Variants in LRRTM4 observed in about 807,000 individuals in gnomAD.
LRRTM4 encodes leucine-rich repeat transmembrane neuronal protein 4.
A neutral mutation model predicts 47.6 loss-of-function variants in LRRTM4; 25 were observed. The ratio of observed to expected loss-of-function variants is 0.53; its 90% CI spans 0.38 to 0.73. The LOEUF (loss-of-function observed/expected upper bound fraction) is 0.73. Among genes scored for constraint, LRRTM4 ranks in the 30% least tolerant of loss-of-function variants. LRRTM4 has a pLI of 0.00. For missense variants in LRRTM4, 638 were observed against 713.4 expected, an observed-to-expected ratio of 0.89 and a Z score of 1.20; for synonymous variants, 311 against 269.5, an observed-to-expected ratio of 1.15 and a Z score of -1.51.
chr2:76,796,865 AG>A (rs1341298178), intron 3 of LRRTM4, among the ~76,000 whole-genome samples: 2 of 152,098 alleles, frequency 1.3e-5, no homozygotes, highest in African/African-American at 2.4e-5. Context: ...ACTGGAAGAA[AG>A]GGTATCAGCA....
chr2:76,860,238 T>A (rs994793098), intron 3 of LRRTM4, among the ~76,000 whole-genome samples: 1 of 152,174 alleles, frequency 6.6e-6, no homozygotes, highest in Non-Finnish European at 1.5e-5. Context: ...TTGGAGAAGA[T>A]TGCAAAGACA....
chr2:77,061,417 C>A (rs1194233491), intron 3 of LRRTM4, among the ~76,000 whole-genome samples: 2 of 152,032 alleles, frequency 1.3e-5, no homozygotes, highest in African/African-American at 4.8e-5. Context: ...AATAAACCTG[C>A]AGAGTTGCTG....
chr2:77,114,440 CCAGACAGTACA>C (rs765063198), intron 3 of LRRTM4, among the ~76,000 whole-genome samples: 2 of 152,074 alleles, frequency 1.3e-5, no homozygotes, highest in Non-Finnish European at 2.9e-5. Flanking sequence ...CGTAGTTAAC[CCAGACAGTACA>C]CAGACTACTC....
chr2:77,307,260 T>A (rs2104182676), intron 3 of LRRTM4, among the ~76,000 whole-genome samples: 1 of 152,016 alleles, frequency 6.6e-6, no homozygotes, highest in Non-Finnish European at 1.5e-5. Context: ...ATAAATAAAT[T>A]AAAGACCAAT....
chr2:77,310,557 T>G (rs1302887745), intron 3 of LRRTM4, among the ~76,000 whole-genome samples: 1 of 152,126 alleles, frequency 6.6e-6, no homozygotes, highest in Non-Finnish European at 1.5e-5. Flanking sequence ...TTGATAACAG[T>G]TGTCTGGAAG....
At chr2:77,027,220 C>T (rs1188542851) in intron 3 of LRRTM4, among the ~76,000 whole-genome samples, 4 of 151,994 alleles carry the variant, frequency 2.6e-5, no homozygotes, top group South Asian at 4.1e-4. Flanking sequence ...CCTCTTCATA[C>T]CAGAGGAAAT....
chr2:77,256,479 G>C lies in LRRTM4; in HGVS notation c.1551+261839C>G, dbSNP rs1039606268. ...CACAATTCCCACATGTTGTGGGAGG[G>C]ACCCAGTGGGAGGTAATTGAATCAT... is the stretch of plus-strand genomic sequence containing the variant. On this transcript the variant is annotated intron_variant, in intron 3 of 3. Transcript: ENST00000409884. Among the ~76,000 whole-genome samples, 4 of 152,102 alleles carry C rather than the reference G, an allele frequency of 2.6e-5. No homozygotes were observed. In the South Asian group the frequency reaches 6.2e-4, roughly 24 times the overall value.
At chr2:77,417,716 G>A (rs1674696116) in intron 3 of LRRTM4, among the ~76,000 whole-genome samples, 1 of 142,288 alleles carries the variant, frequency 7.0e-6, no homozygotes, top group Non-Finnish European at 1.5e-5. Context: ...TGAACAATGA[G>A]AACACATGGA....
At chr2:76,934,417 C>A (rs1423681681) in intron 3 of LRRTM4, among the ~76,000 whole-genome samples, 1 of 152,108 alleles carries the variant, frequency 6.6e-6, no homozygotes, top group Non-Finnish European at 1.5e-5. Flanking sequence ...AGGGACATAA[C>A]AACTAAAATT....
rs74845157 is a variant in LRRTM4 at position 77,322,225 on chromosome 2, G to A, written c.1551+196093C>T. Among the ~76,000 whole-genome samples, 50 of 152,218 alleles carry A rather than the reference G, an allele frequency of 3.3e-4. No individual in the cohort carries two copies. The East Asian group carries it at 9.5e-3, about 29-fold the overall frequency. On this transcript the variant is annotated intron_variant, in intron 3 of 3. Transcript: ENST00000409884. ...CGAATAGATTTTTCTGATGGTTTGG[G>A]AGATGGGTAGATGAGGAAGAATATG...
chr2:77,229,282 C>G (rs1344067479), intron 3 of LRRTM4, among the ~76,000 whole-genome samples: 1 of 152,010 alleles, frequency 6.6e-6, no homozygotes, highest in Non-Finnish European at 1.5e-5. Flanking sequence ...CTTCAGGTAT[C>G]ACCTGTAATC....
chr2:76,924,362 T>C (rs552359519), intron 3 of LRRTM4, among the ~76,000 whole-genome samples: 2 of 152,234 alleles, frequency 1.3e-5, no homozygotes, highest in South Asian at 4.1e-4. Context: ...AGATAAACCA[T>C]ATATTCATCC....
intron 3 of LRRTM4, among the ~76,000 whole-genome samples, chr2:76,852,945 GA>G (rs748156325): frequency 1.3e-5 from 2 of 151,958 alleles, no homozygotes; most frequent in African/African-American, 4.8e-5. Context: ...TGTTATATTA[GA>G]AAAAAACAGT....
Position 76,858,047 on chromosome 2 carries a change from A to G in LRRTM4, c.1552-109131T>C, listed in dbSNP as rs886715087. ...TAACAATTGAAACAGTATAAATAAC[A>G]TCATATTTGCAAGCAAAAGAAAATG... is the stretch of plus-strand genomic sequence containing the variant. On this transcript the variant is annotated intron_variant, in intron 3 of 3. Transcript: ENST00000409884. 2.0e-5 allele frequency among the ~76,000 whole-genome samples: 3 copies of G among 152,230 alleles called. 1 individual carries two copies. The highest frequency in any genetic ancestry group is 2.0e-4 in the Admixed American group (3 of 15,272).
At chr2:77,135,883 AT>A (rs542358400) in intron 3 of LRRTM4, among the ~76,000 whole-genome samples, 212 of 151,960 alleles carry the variant, frequency 1.4e-3, no homozygotes, top group East Asian at 0.012. Context: ...AAATTTTTAC[AT>A]TTTTTTTACA....
At chr2:76,828,864 C>T (rs918380796) in intron 3 of LRRTM4, among the ~76,000 whole-genome samples, 2 of 151,950 alleles carry the variant, frequency 1.3e-5, no homozygotes, top group Non-Finnish European at 2.9e-5. Context: ...CATCTTTAAT[C>T]CTGGCTGTAC....
Position 77,002,410 on chromosome 2 carries a change from G to A in LRRTM4, c.1552-253494C>T, listed in dbSNP as rs115626089. ...ATTTTTTCCTGTATGCAGATCCCCA[G>A]CAAATACTACAATACATTTTCAAAT... is the stretch of plus-strand genomic sequence containing the variant. On this transcript the variant is annotated intron_variant, in intron 3 of 3. Coordinates refer to ENST00000409884, the MANE Select transcript of LRRTM4 (RefSeq NM_001134745.3). Among the ~76,000 whole-genome samples the A allele has an allele frequency of 8.1e-3, 1,232 of 152,104 alleles. 3 individuals carry two copies. The highest frequency in any genetic ancestry group is 0.013 in the Non-Finnish European group (854 of 67,994).
chr2:77,439,349 C>T (rs747751618), intron 3 of LRRTM4, among the ~76,000 whole-genome samples: 1 of 151,990 alleles, frequency 6.6e-6, no homozygotes, highest in Non-Finnish European at 1.5e-5. Flanking sequence ...ATCCTATTTT[C>T]ATCTTATGAA....
At chr2:77,387,695 A>G (rs1465097276) in intron 3 of LRRTM4, among the ~76,000 whole-genome samples, 1 of 152,104 alleles carries the variant, frequency 6.6e-6, no homozygotes, top group Non-Finnish European at 1.5e-5. Context: ...CATGCAGGCT[A>G]ACACCGCGGG....
Sources: allele counts gnomAD v4.1 joint callset (sites outside exome capture counted in the v4.1 genomes callset), GRCh38; gene constraint gnomAD v4.1.1; transcripts MANE v1.5; gene names NCBI Gene and HGNC (gene_info 2026-07-23, HGNC 2026-07-21).